Variants in RELCH observed in about 807,000 individuals in gnomAD.
RELCH encodes the protein RAB11 binding and LisH domain, coiled-coil and HEAT repeat containing.
A neutral mutation model predicts 150.3 loss-of-function variants in RELCH; 41 were observed. The observed-to-expected ratio is 0.27, with a 90% CI of 0.21 to 0.35. RELCH has a LOEUF of 0.35. Among genes scored for constraint, RELCH ranks in the 10% least tolerant of loss-of-function variants. The pLI, the probability that RELCH is intolerant of heterozygous loss-of-function variation, is 1.00. For missense variants in RELCH, 1,092 were observed against 1,467.8 expected (o/e 0.74, Z 4.18); for synonymous variants, 478 against 531.8 (o/e 0.90, Z 1.39).
chr18:62,270,956 G>A (rs939113494), intron 20 of RELCH, among the ~76,000 whole-genome samples: 4 of 151,970 alleles, frequency 2.6e-5, no homozygotes, highest in Admixed American at 6.6e-5. Context: ...CATCCATGGT[G>A]TATATGTGCC....
intron 1 of RELCH, among the ~76,000 whole-genome samples, chr18:62,202,463 A>G (rs1217051050): frequency 2.0e-5 from 3 of 152,154 alleles, no homozygotes; most frequent in Non-Finnish European, 4.4e-5. Flanking sequence ...TAATGAATTG[A>G]GAGATTGTTT....
chr18:62,282,208 C>T (rs2044552507), intron 24 of RELCH, 98 bp from the exon 25 acceptor site: 1 of 975,216 alleles, frequency 1.0e-6, no homozygotes, highest in South Asian at 1.5e-5. Context: ...TGCTTTAATC[C>T]ACTGCTTTAA....
At chr18:62,246,903 A>G (rs2148510000) in intron 11 of RELCH, 1 of 152,344 alleles carries the variant, frequency 6.6e-6, no homozygotes, top group Middle Eastern at 3.4e-3. Flanking sequence ...GACCAGAAAT[A>G]GCCCTAGAAG....
At chr18:62,278,138 A>G (rs1275350164) in intron 22 of RELCH, among the ~76,000 whole-genome samples, 1 of 152,186 alleles carries the variant, frequency 6.6e-6, no homozygotes, top group Non-Finnish European at 1.5e-5. Context: ...CTTAATAAAG[A>G]AATTGAACTT....
At chr18:62,203,971 C>T (rs1385728115) in intron 1 of RELCH, among the ~76,000 whole-genome samples, 3 of 151,784 alleles carry the variant, frequency 2.0e-5, no homozygotes, top group African/African-American at 7.3e-5. Flanking sequence ...AGGGTAAGAG[C>T]CTATCTCAAA....
intron 1 of RELCH, among the ~76,000 whole-genome samples, chr18:62,199,866 C>T (rs539167592): frequency 6.6e-6 from 1 of 152,256 alleles, no homozygotes; most frequent in African/African-American, 2.4e-5. Flanking sequence ...CTGTAAAATG[C>T]AGATGGTAAT....
chr18:62,188,225 CCTTGGCTGGTGTTGCA>C (rs1010111668), intron 1 of RELCH, among the ~76,000 whole-genome samples, 194 bp downstream of exon 1: 4 of 152,128 alleles, frequency 2.6e-5, no homozygotes, highest in African/African-American at 9.7e-5. Context: ...TGCTTCCAAC[CCTTGGCTGGTGTTGCA>C]CTTGGCTCCT....
chr18:62,207,132 G>A (rs993741419), intron 1 of RELCH, among the ~76,000 whole-genome samples: 1 of 151,922 alleles, frequency 6.6e-6, no homozygotes, highest in African/African-American at 2.4e-5. Context: ...TTATCCATTA[G>A]CGTACACTCC....
At chr18:62,226,893 A>G (rs150014577) in intron 5 of RELCH, among the ~76,000 whole-genome samples, 4 of 152,234 alleles carry the variant, frequency 2.6e-5, no homozygotes, top group Admixed American at 2.0e-4. Context: ...TGGGTTTTCA[A>G]TATATTCACA....
chr18:62,284,950 T>G (rs867505453), intron 25 of RELCH, among the ~76,000 whole-genome samples: 18 of 152,218 alleles, frequency 1.2e-4, no homozygotes, highest in Admixed American at 6.5e-4. Flanking sequence ...AGTCGTACAT[T>G]GGAGATTTTC....
chr18:62,297,749 C>G (rs2045478790), intron 27 of RELCH, among the ~76,000 whole-genome samples: 1 of 152,188 alleles, frequency 6.6e-6, no homozygotes, highest in African/African-American at 2.4e-5. Context: ...CTTGCTCACC[C>G]TGCACCAACT....
chr18:62,282,284 CT>C (rs1362020582), intron 24 of RELCH, 21 bp from the exon 25 acceptor site: 4 of 1,601,518 alleles, frequency 2.5e-6, no homozygotes, highest in African/African-American at 1.3e-5. Context: ...TATGAAATGA[CT>C]GTACAATATC....
At chr18:62,208,693 C>T (rs1035578967) in intron 1 of RELCH, among the ~76,000 whole-genome samples, 2 of 152,116 alleles carry the variant, frequency 1.3e-5, no homozygotes, top group African/African-American at 4.8e-5. Context: ...CAGTGTCTGT[C>T]GTTCCCTTCT....
chr18:62,204,938 T>C (rs1327596906), intron 1 of RELCH, among the ~76,000 whole-genome samples: 1 of 152,182 alleles, frequency 6.6e-6, no homozygotes, highest in African/African-American at 2.4e-5. Flanking sequence ...TGTTAGCTCA[T>C]TTTACCCCCA....
chr18:62,286,557 G>A (rs1391988511), intron 25 of RELCH, among the ~76,000 whole-genome samples: 2 of 151,968 alleles, frequency 1.3e-5, no homozygotes, highest in Admixed American at 1.3e-4. Flanking sequence ...TGATGCTTAT[G>A]GGTGGCGTTT....
At chr18:62,297,057 T>C (rs1044776887) in intron 27 of RELCH, among the ~76,000 whole-genome samples, 1 of 152,208 alleles carries the variant, frequency 6.6e-6, no homozygotes, top group African/African-American at 2.4e-5. Flanking sequence ...ATAAGAGGAA[T>C]AATTTAAAGA....
intron 26 of RELCH, 52 bp downstream of exon 26, chr18:62,287,519 T>C (rs1215542016): frequency 1.1e-6 from 1 of 931,600 alleles, no homozygotes; most frequent in Non-Finnish European, 1.7e-6. Flanking sequence ...AATCTTAGAG[T>C]GGAACTTGGT....
At chr18:62,195,150 CAG>C (rs1401507929) in intron 1 of RELCH, among the ~76,000 whole-genome samples, 1 of 152,106 alleles carries the variant, frequency 6.6e-6, no homozygotes, top group African/African-American at 2.4e-5. Flanking sequence ...TTACTTTTAA[CAG>C]ATATTCTAAG....
intron 20 of RELCH, among the ~76,000 whole-genome samples, chr18:62,273,063 C>G (rs1168712657): frequency 1.3e-5 from 2 of 151,050 alleles, no homozygotes; most frequent in East Asian, 1.9e-4. Context: ...AGGTGGTAAT[C>G]CAGTCTTCCT....
Sources: allele counts gnomAD v4.1 joint callset (sites outside exome capture counted in the v4.1 genomes callset), GRCh38; gene constraint gnomAD v4.1.1; transcripts MANE v1.5; gene names NCBI Gene and HGNC (gene_info 2026-07-23, HGNC 2026-07-21).